Variants in PLCXD3 observed in about 807,000 individuals in gnomAD.
The protein encoded by PLCXD3 is PI-PLC X domain-containing protein 3.
Under a neutral mutation model 25.5 loss-of-function variants are expected in PLCXD3, and 19 were observed. The observed-to-expected ratio is 0.75, with a 90% CI of 0.52 to 1.09. PLCXD3 has a LOEUF of 1.09. PLCXD3 is among the 50% of genes least tolerant of loss of function. The pLI, the probability that PLCXD3 is intolerant of heterozygous loss-of-function variation, is 0.00. For synonymous variants in PLCXD3, 174 were observed against 137.6 expected, an observed-to-expected ratio of 1.26 and a Z score of -1.85; for missense variants, 411 against 388.1, an observed-to-expected ratio of 1.06 and a Z score of -0.50.
In PLCXD3 at chr5:41,492,522, C is replaced by A. The variant is rs567722939; in HGVS notation, c.103+17902G>T. Among the ~76,000 whole-genome samples the A allele has an allele frequency of 1.7e-3, 252 of 152,318 alleles. 2 individuals are homozygous for A. The highest frequency in any genetic ancestry group is 2.7e-3 in the Non-Finnish European group (182 of 68,044). On this transcript the variant is annotated intron_variant, in intron 1 of 2. Coordinates refer to ENST00000377801, the MANE Select transcript of PLCXD3 (RefSeq NM_001005473.3). ...GGAAGTTCTCCTGGATAATATCCTG[C>A]AGAGTGTTTTCCAATTTGTTTCCAT...
rs1158958042 is a variant in PLCXD3 at position 41,312,123 on chromosome 5, A to C, written c.*1494T>G. On this transcript the variant is annotated 3_prime_UTR_variant, in exon 3 of 3. Coordinates refer to ENST00000377801, the MANE Select transcript of PLCXD3 (RefSeq NM_001005473.3). ...TTTTTTTATTTTTTAGAGTTGTCAA[A>C]TATCACAATGACACGAAGGAGGAAG... The C allele has an allele frequency of 6.6e-6, 1 of 152,394 alleles. No homozygotes were observed. The highest frequency in any genetic ancestry group is 1.5e-5 in the Non-Finnish European group (1 of 67,998). The allele number at this position is 152,394 out of a possible 1,614,324, so 9.4% of individuals were successfully genotyped here. A position where few individuals can be genotyped will look rare whatever the true frequency, so the allele number is the denominator to read the frequency against.
chr5:41,497,248 G>A (rs1375773954), intron 1 of PLCXD3, among the ~76,000 whole-genome samples: 1 of 151,758 alleles, frequency 6.6e-6, no homozygotes, highest in Non-Finnish European at 1.5e-5. Context: ...TAATTAAATA[G>A]CAAGAATAAC....
intron 1 of PLCXD3, among the ~76,000 whole-genome samples, chr5:41,410,558 A>G (rs1465434945): frequency 1.3e-5 from 2 of 152,080 alleles, no homozygotes; most frequent in African/African-American, 2.4e-5. Flanking sequence ...GTGCCGTTTC[A>G]GATTCTTACT....
chr5:41,322,430 GA>G (rs1404251009), intron 2 of PLCXD3, among the ~76,000 whole-genome samples: 1 of 152,204 alleles, frequency 6.6e-6, no homozygotes, highest in Non-Finnish European at 1.5e-5. Flanking sequence ...GGGACATGGA[GA>G]AAAGGGAACC....
chr5:41,392,056 C>A (rs902951073), intron 1 of PLCXD3, among the ~76,000 whole-genome samples: 1 of 152,092 alleles, frequency 6.6e-6, no homozygotes, highest in Non-Finnish European at 1.5e-5. Context: ...GAAGGTAGAC[C>A]TATAAGGTTT....
intron 2 of PLCXD3, among the ~76,000 whole-genome samples, chr5:41,324,249 G>A (rs552707559): frequency 6.6e-6 from 1 of 152,258 alleles, no homozygotes; most frequent in South Asian, 2.1e-4. Context: ...AAACTAAGAA[G>A]AGCTGAGTGA....
At chr5:41,356,207 A>T (rs1744613534) in intron 2 of PLCXD3, among the ~76,000 whole-genome samples, 3 of 152,306 alleles carry the variant, frequency 2.0e-5, no homozygotes, top group South Asian at 4.1e-4. Context: ...CGGAGGTTGC[A>T]GTGAGCTGAG....
chr5:41,472,980 A>G (rs1007126054), intron 1 of PLCXD3, among the ~76,000 whole-genome samples: 11 of 152,324 alleles, frequency 7.2e-5, no homozygotes, highest in East Asian at 3.9e-4. Flanking sequence ...GTTTGTGGCT[A>G]ATCCAAAATA....
intron 2 of PLCXD3, among the ~76,000 whole-genome samples, chr5:41,356,629 T>G (rs1744624422): frequency 6.6e-6 from 1 of 152,246 alleles, no homozygotes. Flanking sequence ...CCCCTTATTT[T>G]AATCCAGTTT....
At chr5:41,351,367 G>T (rs570852168) in intron 2 of PLCXD3, among the ~76,000 whole-genome samples, 3 of 152,206 alleles carry the variant, frequency 2.0e-5, no homozygotes, top group Admixed American at 6.5e-5. Flanking sequence ...GGCTAGCAGG[G>T]TTCCTTTCAT....
chr5:41,397,261 G>A (rs1746036021), intron 1 of PLCXD3, among the ~76,000 whole-genome samples: 1 of 152,198 alleles, frequency 6.6e-6, no homozygotes, highest in Non-Finnish European at 1.5e-5. Flanking sequence ...GCTGCTCTGT[G>A]TAGTATTGGG....
chr5:41,344,174 A>G lies in PLCXD3; in HGVS notation c.813-30404T>C, dbSNP rs185571215. ...GGTCATAAAGAGCAGGCATTAAGCT[A>G]GCATTTAGAATCACTCCATGAACAC... On this transcript the variant is annotated intron_variant, in intron 2 of 2. Transcript: ENST00000377801. Among the ~76,000 whole-genome samples the G allele has an allele frequency of 1.9e-3, 283 of 152,268 alleles. 6 individuals are homozygous for G. The highest frequency in any genetic ancestry group is 0.018 in the Admixed American group (280 of 15,294).
chr5:41,428,392 T>G (rs61564402), intron 1 of PLCXD3, among the ~76,000 whole-genome samples: 5,543 of 146,046 alleles, frequency 0.038, 454 homozygotes, highest in African/African-American at 0.13. Context: ...GTTTTTGTTT[T>G]TGTTTTTTTT....
At chr5:41,473,419 G>A (rs1221888468) in intron 1 of PLCXD3, among the ~76,000 whole-genome samples, 1 of 151,704 alleles carries the variant, frequency 6.6e-6, no homozygotes, top group Non-Finnish European at 1.5e-5. Flanking sequence ...TAGTGCAAAA[G>A]TAATTGCAGT....
At chr5:41,416,962 A>G (rs1233969294) in intron 1 of PLCXD3, among the ~76,000 whole-genome samples, 2 of 152,346 alleles carry the variant, frequency 1.3e-5, no homozygotes, top group Admixed American at 6.5e-5. Flanking sequence ...CAGACCAATC[A>G]TCAGACTGAA....
At chr5:41,421,747 A>G (rs1746834051) in intron 1 of PLCXD3, among the ~76,000 whole-genome samples, 1 of 150,634 alleles carries the variant, frequency 6.6e-6, no homozygotes, top group Non-Finnish European at 1.5e-5. Flanking sequence ...GCTCTTTGGT[A>G]GAATTTAGAT....
intron 2 of PLCXD3, among the ~76,000 whole-genome samples, chr5:41,317,898 A>G (rs1743348957): frequency 6.6e-6 from 1 of 152,078 alleles, no homozygotes; most frequent in Non-Finnish European, 1.5e-5. Context: ...CAAATCTAAG[A>G]GTTATTGGCC....
intron 1 of PLCXD3, among the ~76,000 whole-genome samples, chr5:41,411,012 G>A (rs1184275866): frequency 6.6e-6 from 1 of 152,102 alleles, no homozygotes; most frequent in Non-Finnish European, 1.5e-5. Flanking sequence ...AGAACACATA[G>A]CCTGGGCAAA....
chr5:41,317,679 A>G (rs530187244), intron 2 of PLCXD3, among the ~76,000 whole-genome samples: 1 of 152,128 alleles, frequency 6.6e-6, no homozygotes, highest in East Asian at 1.9e-4. Context: ...AAAATAATTA[A>G]AAAGAGTCAA....
Sources: gnomAD v4.1 joint callset for allele counts (sites outside exome capture counted in the v4.1 genomes callset) on GRCh38, gnomAD v4.1.1 for gene constraint, MANE v1.5 for transcripts, NCBI Gene and HGNC (gene_info 2026-07-23, HGNC 2026-07-21) for gene names.